The following DNM1 variants were observed in gnomAD, a reference collection of about 807,000 sequenced individuals.
The protein encoded by DNM1 is dynamin-1.
DNM1 carries 29 observed loss-of-function variants against 104.6 expected under a neutral mutation model. The ratio of observed to expected loss-of-function variants is 0.28; its 90% CI spans 0.21 to 0.38. DNM1 has a LOEUF of 0.38. Among genes scored for constraint, DNM1 ranks in the 10% least tolerant of loss-of-function variants. The probability of loss-of-function intolerance (pLI) is 1.00; values close to 1 mark genes in which losing one functional copy is unlikely to be tolerated. For missense variants in DNM1, 640 were observed against 1,189.4 expected, an observed-to-expected ratio of 0.54 and a Z score of 6.79; for synonymous variants, 445 against 475.8, an observed-to-expected ratio of 0.94 and a Z score of 0.84.
intron 10 of DNM1, among the ~76,000 whole-genome samples, chr9:128,232,977 G>T (rs1021126477): frequency 6.6e-6 from 1 of 152,212 alleles, no homozygotes; most frequent in Non-Finnish European, 1.5e-5. Flanking sequence ...AGGAGGTGGA[G>T]TGGGAGAGGA....
intron 1 of DNM1, among the ~76,000 whole-genome samples, chr9:128,213,962 G>A (rs1347802366): frequency 6.6e-6 from 1 of 152,088 alleles, no homozygotes. Flanking sequence ...GCGACTTGTT[G>A]CCTGGGGGTA....
In DNM1 at chr9:128,240,842, G is replaced by A. The variant is rs1836321241; in HGVS notation, c.1557+846G>A. On this transcript the variant is annotated intron_variant, in intron 14 of 21. Transcript: ENST00000372923. The surrounding 1 kb of genome is among the most constrained non-coding windows in gnomAD (Gnocchi z 5.1). The stretch of plus-strand genomic sequence containing the variant: ...TGCAGGGTGGGAGTTGGGAGAGCAG[G>A]AGGTCCCTGGTGCAGGGCTGCAGAG... The A allele has an allele frequency of 6.5e-6, 1 of 153,290 alleles. No homozygotes were observed. The highest frequency in any genetic ancestry group is 2.1e-4 in the South Asian group (1 of 4,866). 9.5% of individuals were successfully genotyped at this position (153,290 alleles called of 1,614,324 possible).
At position 128,249,000 on chromosome 9, in the gene DNM1, C is replaced by G. The variant is rs560366964; in HGVS notation, c.2076+247C>G. On this transcript the variant is annotated intron_variant, in intron 19 of 21. Transcript: ENST00000372923. The surrounding 1 kb of genome is among the most constrained non-coding windows in gnomAD (Gnocchi z 5.6). ...GTGAGGTCAGGAGTTTAAGACCAGC[C>G]TGGCCAACATGGTGAAACCCCATCT... Among the ~76,000 whole-genome samples, 2 of 148,352 alleles carry G rather than the reference C, an allele frequency of 1.3e-5. No homozygotes were observed. Among genetic ancestry groups the G allele is most frequent in the South Asian group, 4.3e-4 (2 of 4,692 alleles).
Position 128,243,489 on chromosome 9 carries a change from C to G in DNM1, c.1671+1144C>G, listed in dbSNP as rs1003147850. 6.6e-6 allele frequency among the ~76,000 whole-genome samples: 1 copy of G among 152,246 alleles called. No homozygotes were observed. Among genetic ancestry groups the G allele is most frequent in the Admixed American group, 6.5e-5 (1 of 15,292 alleles). On this transcript the variant is annotated intron_variant, in intron 15 of 21. Transcript: ENST00000372923. This position sits in a 1 kb window ranked among gnomAD's most constrained non-coding sequence, Gnocchi z 4.0. Reference sequence around the variant, plus strand: ...TTTGTCCTGGGCAGGGGCCCCAACTCTCCACCTTGGGAGGGGCCCTCTGTC... The same window carrying G: ...TTTGTCCTGGGCAGGGGCCCCAACTGTCCACCTTGGGAGGGGCCCTCTGTC...
intron 21 of DNM1, 101 bp downstream of exon 21, chr9:128,251,041 G>C: frequency 1.2e-6 from 1 of 825,176 alleles, no homozygotes. Flanking sequence ...CGCCAGAACC[G>C]GCCGTTTCTA....
chr9:128,226,146 A>G, intron 10 of DNM1: 1 of 1,612,874 alleles, frequency 6.2e-7, no homozygotes, highest in Non-Finnish European at 8.5e-7. Flanking sequence ...GTGAGCTCAC[A>G]GCCACCATCA....
intron 1 of DNM1, among the ~76,000 whole-genome samples, chr9:128,206,897 G>A (rs750431787): frequency 1.3e-5 from 2 of 152,032 alleles, no homozygotes; most frequent in African/African-American, 2.4e-5. Context: ...CTTGGGGAGC[G>A]GGTGAGGGAA....
chr9:128,219,006 C>A (rs1834782522), intron 3 of DNM1, 43 bp from the exon 4 acceptor site: 4 of 1,605,638 alleles, frequency 2.5e-6, no homozygotes, highest in Non-Finnish European at 3.4e-6. Context: ...CGCCCGCGGC[C>A]ACGCCCCTCG....
In DNM1 at chr9:128,250,239, C is replaced by T. The variant is rs528033412; in HGVS notation, c.2201C>T (p.Ala734Val). 2 of 1,614,100 alleles carry T rather than the reference C, an allele frequency of 1.2e-6. No individual in the cohort carries two copies. The highest frequency in any genetic ancestry group is 1.7e-6 in the Non-Finnish European group (2 of 1,179,998). Residue 734 changes from alanine to valine, a missense_variant, in exon 20 of 22, where the codon GCA (alanine) becomes GTA (valine). Physicochemically the swap from Ala to Val is moderately conservative, Grantham distance 64 (BLOSUM62 0). This residue lies in a region of DNM1 where 129 missense variants were observed against 224.6 expected (regional missense o/e 0.57). Coordinates refer to ENST00000372923, the MANE Select transcript of DNM1 (RefSeq NM_004408.4). ...RRDEMLRMYH[A>V]LKEALSIIGD... is the part of the protein sequence containing the mutation. ...GACGAGATGCTGCGCATGTACCACGCACTGAAGGAGGCGCTCAGCATCATC... is the reference window on the plus strand; with the variant it reads ...GACGAGATGCTGCGCATGTACCACGTACTGAAGGAGGCGCTCAGCATCATC...
chr9:128,242,193 A>G (rs1362140038), intron 14 of DNM1, 39 bp from the exon 15 acceptor site: 2 of 1,191,712 alleles, frequency 1.7e-6, no homozygotes, highest in East Asian at 2.3e-5. Context: ...GGGGAGGCTC[A>G]GGCCCTGTCC....
In DNM1 at chr9:128,223,965, C is replaced by T. The variant is rs374200315; in HGVS notation, c.1197-286C>T. The T allele has an allele frequency of 3.7e-4, 82 of 219,132 alleles. No homozygotes were observed. In the East Asian group the frequency reaches 7.1e-3, roughly 19 times the overall value. 13.6% of individuals were successfully genotyped at this position (219,132 alleles called of 1,614,324 possible). On this transcript the variant is annotated intron_variant, in intron 9 of 21. Transcript: ENST00000372923. The stretch of plus-strand genomic sequence containing the variant: ...TTGGGAGGCTGAGGCAGGAGAATGG[C>T]GTGAACCCGGGAGGCGGAGGTTGCA...
chr9:128,247,913 G>A lies in DNM1; in HGVS notation c.1894-11G>A. On this transcript the variant is annotated splice_polypyrimidine_tract_variant and intron_variant, in intron 17 of 21. Transcript: ENST00000372923. This position sits in a 1 kb window ranked among gnomAD's most constrained non-coding sequence, Gnocchi z 5.1. ...GGCGGCGGTGGCAATGTTGGTGTGT[G>A]GGCCTCCCAGGACAAAGAGAAAGTG... 2 of 1,613,618 alleles carry A rather than the reference G, an allele frequency of 1.2e-6. No homozygotes were observed. Among genetic ancestry groups the A allele is most frequent in the South Asian group, 2.2e-5 (2 of 91,062 alleles).
In DNM1 at chr9:128,243,450, C is replaced by T. The variant is rs2131267975; in HGVS notation, c.1671+1105C>T. The stretch of plus-strand genomic sequence containing the variant: ...GGCCTCCAAGCCCCCTCCCAGGTCC[C>T]TGTCTCCTCCAAGTTTGTCCTGGGC... On this transcript the variant is annotated intron_variant, in intron 15 of 21. Transcript: ENST00000372923. The surrounding 1 kb of genome is among the most constrained non-coding windows in gnomAD (Gnocchi z 4.0). Among the ~76,000 whole-genome samples, 1 of 152,312 alleles carries T rather than the reference C, an allele frequency of 6.6e-6. No homozygotes were observed. The highest frequency in any genetic ancestry group is 3.4e-3 in the Middle Eastern group (1 of 294).
intron 1 of DNM1, among the ~76,000 whole-genome samples, chr9:128,217,295 G>A (rs1834669803): frequency 6.6e-6 from 1 of 152,188 alleles, no homozygotes; most frequent in African/African-American, 2.4e-5. Flanking sequence ...ATGTCTCTAA[G>A]GTGCAGCTCC....
rs142044473 is a variant in DNM1 at position 128,253,916 on chromosome 9, C to T, written c.2535-738C>T. 1.6e-3 allele frequency: 1,907 copies of T among 1,227,102 alleles called. 20 individuals carry two copies. The African/African-American group carries it at 0.026, about 17-fold the overall frequency. 76.0% of individuals were successfully genotyped at this position (1,227,102 alleles called of 1,614,324 possible). A position where few individuals can be genotyped will look rare whatever the true frequency, so the allele number is the denominator to read the frequency against. On this transcript the variant is annotated intron_variant, in intron 21 of 21. Transcript: ENST00000372923. This position sits in a 1 kb window ranked among gnomAD's most constrained non-coding sequence, Gnocchi z 5.9. Reference sequence around the variant, plus strand: ...CACTTGTGCCATTCAGCCAAGGGGACGACCGTGCCTGCTGGCCCAGCTGAG... The same window carrying T: ...CACTTGTGCCATTCAGCCAAGGGGATGACCGTGCCTGCTGGCCCAGCTGAG...
In DNM1 at chr9:128,255,044, C is replaced by A; in HGVS notation, c.*330C>A. The A allele has an allele frequency of 4.6e-6, 1 of 215,520 alleles. No individual in the cohort carries two copies. The highest frequency in any genetic ancestry group is 9.1e-6 in the Non-Finnish European group (1 of 109,434). 13.4% of individuals were successfully genotyped at this position (215,520 alleles called of 1,614,324 possible). On this transcript the variant is annotated 3_prime_UTR_variant, in exon 22 of 22. Transcript: ENST00000372923. ...TGGCCCAACTACCAGAGAACGCTGT[C>A]CCCCGACATCCCACTCCAAAGTGTG...
chr9:128,217,873 G>A (rs537658539), intron 1 of DNM1, among the ~76,000 whole-genome samples: 1 of 152,262 alleles, frequency 6.6e-6, no homozygotes, highest in South Asian at 2.1e-4. Flanking sequence ...GTGGGCATTG[G>A]ACACATAGGC....
chr9:128,231,194 CTTTT>C (rs72047067), intron 10 of DNM1, among the ~76,000 whole-genome samples: 4 of 68,498 alleles, frequency 5.8e-5, no homozygotes, highest in African/African-American at 1.2e-4. Flanking sequence ...ATACTTTTGC[CTTTT>C]TTTTTTTTTT....
intron 13 of DNM1, 48 bp from the exon 14 acceptor site, chr9:128,239,937 C>T: frequency 3.1e-6 from 5 of 1,612,962 alleles, no homozygotes; most frequent in Non-Finnish European, 4.2e-6. Flanking sequence ...AACCCTCTCT[C>T]CTCTCTCCCC....
Sources: gnomAD v4.1 joint callset for allele counts (sites outside exome capture counted in the v4.1 genomes callset) on GRCh38, gnomAD v4.1.1 for gene constraint, gnomAD v4.1.1 regional missense constraint, Gnocchi (gnomAD v3.1) non-coding constraint, MANE v1.5 for transcripts, NCBI Gene and HGNC (gene_info 2026-07-23, HGNC 2026-07-21) for gene names.